Variants in KIFAP3 observed in about 807,000 individuals in gnomAD.
The protein encoded by KIFAP3 is kinesin-associated protein 3.
KIFAP3 carries 68 observed loss-of-function variants against 106.5 expected under a neutral mutation model. The observed-to-expected ratio is 0.64, with a 90% CI of 0.53 to 0.78. KIFAP3 has a LOEUF of 0.78. Among genes scored for constraint, KIFAP3 ranks in the 30% least tolerant of loss-of-function variants. The pLI is 0.00. For missense variants in KIFAP3, 780 were observed against 941.8 expected (o/e 0.83, Z 2.25); for synonymous variants, 320 against 311.5 (o/e 1.03, Z -0.29).
intron 2 of KIFAP3, among the ~76,000 whole-genome samples, chr1:170,049,504 C>T (rs953594203): frequency 6.6e-6 from 1 of 152,206 alleles, no homozygotes; most frequent in Non-Finnish European, 1.5e-5. Flanking sequence ...AGACTGCCTC[C>T]TCAAGTGGGT....
intron 1 of KIFAP3, among the ~76,000 whole-genome samples, chr1:170,081,604 C>T (rs1672021597): frequency 6.6e-6 from 1 of 152,180 alleles, no homozygotes; most frequent in African/African-American, 2.4e-5. Context: ...TCTTCAAAGC[C>T]AGCAACAGTG....
chr1:169,958,612 A>G (rs1665156211), intron 18 of KIFAP3, among the ~76,000 whole-genome samples: 1 of 152,232 alleles, frequency 6.6e-6, no homozygotes, highest in African/African-American at 2.4e-5. Context: ...TATGTTTTTT[A>G]CAATATTCCT....
At chr1:169,933,643 G>C (rs951579713) in intron 19 of KIFAP3, among the ~76,000 whole-genome samples, 1 of 152,020 alleles carries the variant, frequency 6.6e-6, no homozygotes, top group Non-Finnish European at 1.5e-5. Context: ...TATCTGACTT[G>C]TAAGAGTCAT....
At chr1:170,004,391 A>G (rs1453274606) in intron 10 of KIFAP3, among the ~76,000 whole-genome samples, 2 of 152,144 alleles carry the variant, frequency 1.3e-5, no homozygotes, top group Non-Finnish European at 2.9e-5. Flanking sequence ...AAGACCCCGC[A>G]TTGCCAAGTC....
chr1:170,023,850 C>A (rs898296795), intron 9 of KIFAP3, among the ~76,000 whole-genome samples: 1 of 151,854 alleles, frequency 6.6e-6, no homozygotes, highest in African/African-American at 2.4e-5. Context: ...TATAATAATT[C>A]AAGCAAGAAA....
intron 1 of KIFAP3, among the ~76,000 whole-genome samples, chr1:170,062,200 A>G (rs572165582): frequency 1.6e-4 from 24 of 147,834 alleles, no homozygotes; most frequent in African/African-American, 6.1e-4. Context: ...AAATAAAACC[A>G]CAATGAGATA....
At chr1:170,074,863 T>G, upstream of KIFAP3, 1 of 585,894 alleles carries the variant, frequency 1.7e-6, no homozygotes, top group African/African-American at 1.9e-5. Flanking sequence ...ACCGCCCCCT[T>G]GAGGATGGGA....
intron 9 of KIFAP3, among the ~76,000 whole-genome samples, chr1:170,020,971 C>T (rs1431617311): frequency 3.9e-5 from 6 of 152,076 alleles, no homozygotes; most frequent in African/African-American, 1.4e-4. Context: ...AAATACAGTC[C>T]ACTAAATTTT....
rs199891388 is a variant in KIFAP3, at chr1:170,074,469, G to A, written c.-2C>T. On this transcript the variant is annotated 5_prime_UTR_variant, in exon 1 of 20. Coordinates refer to ENST00000361580, the MANE Select transcript of KIFAP3 (RefSeq NM_014970.4). The stretch of plus-strand genomic sequence containing the variant: ...GTATCTGGCGTCCTCCCCTTGCATG[G>A]CGGCAGCGGCAGCGGCGTGGAGAGG... The A allele has an allele frequency of 1.2e-5, 20 of 1,605,468 alleles. No individual in the cohort carries two copies. The East Asian group carries it at 4.0e-4, about 32-fold the overall frequency.
intron 10 of KIFAP3, among the ~76,000 whole-genome samples, chr1:170,003,086 T>C (rs1667746397): frequency 6.6e-6 from 1 of 152,178 alleles, no homozygotes; most frequent in South Asian, 2.1e-4. Context: ...ACATTTTTAT[T>C]AAAGTACAAT....
intron 10 of KIFAP3, among the ~76,000 whole-genome samples, chr1:170,011,674 T>C (rs1668249782): frequency 6.6e-6 from 1 of 151,934 alleles, no homozygotes; most frequent in African/African-American, 2.4e-5. Context: ...GTAAAACAAG[T>C]GTGAAAGTCA....
chr1:170,056,881 G>C (rs965885078), intron 1 of KIFAP3, among the ~76,000 whole-genome samples: 2 of 151,944 alleles, frequency 1.3e-5, no homozygotes, highest in African/African-American at 4.8e-5. Context: ...ACAGAAGCCA[G>C]GGAGGCCAGC....
chr1:169,949,310 T>C (rs148052313), intron 19 of KIFAP3, among the ~76,000 whole-genome samples: 1 of 152,174 alleles, frequency 6.6e-6, no homozygotes, highest in Non-Finnish European at 1.5e-5. Flanking sequence ...AGATAATGCA[T>C]ACATCTAGTT....
chr1:170,054,826 G>A (rs1014594686), intron 2 of KIFAP3, among the ~76,000 whole-genome samples: 4 of 152,072 alleles, frequency 2.6e-5, no homozygotes, highest in Non-Finnish European at 4.4e-5. Flanking sequence ...GGGGACAAGG[G>A]GAGGGAGAGC....
At chr1:170,007,731 T>C (rs1428858951) in intron 10 of KIFAP3, among the ~76,000 whole-genome samples, 1 of 152,132 alleles carries the variant, frequency 6.6e-6, no homozygotes. Flanking sequence ...CCCATCAAGC[T>C]ACCAATGAGT....
chr1:170,010,455 A>T (rs144627262), intron 10 of KIFAP3, among the ~76,000 whole-genome samples: 66 of 152,096 alleles, frequency 4.3e-4, no homozygotes, highest in Admixed American at 4.0e-3. Context: ...TTTTGGTTCT[A>T]TTGAATTACA....
intron 16 of KIFAP3, 80 bp downstream of exon 16, chr1:169,978,005 C>CAAA (rs11396984): frequency 8.0e-4 from 517 of 645,994 alleles, no homozygotes; most frequent in East Asian, 1.2e-3. Context: ...TCAACATTTG[C>CAAA]AAAAAAAAAA....
chr1:170,026,702 C>A (rs139296416), intron 8 of KIFAP3, among the ~76,000 whole-genome samples: 1 of 152,056 alleles, frequency 6.6e-6, no homozygotes, highest in African/African-American at 2.4e-5. Context: ...TTAAGTGAGG[C>A]TGGGACAGAA....
intron 19 of KIFAP3, among the ~76,000 whole-genome samples, chr1:169,940,948 TG>T (rs1302061845): frequency 8.8e-6 from 1 of 113,718 alleles, no homozygotes; most frequent in African/African-American, 3.4e-5. Context: ...TGTGTGTGTG[TG>T]TGTGTTTAAA....
Sources: gnomAD v4.1 joint callset for allele counts (sites outside exome capture counted in the v4.1 genomes callset) on GRCh38, gnomAD v4.1.1 for gene constraint, MANE v1.5 for transcripts, NCBI Gene and HGNC (gene_info 2026-07-23, HGNC 2026-07-21) for gene names.